The following ASXL3 variants were observed in gnomAD, a reference collection of about 807,000 sequenced individuals.
ASXL3 encodes the protein ASXL transcriptional regulator 3, also known as putative Polycomb group protein ASXL3.
A neutral mutation model predicts 170.6 loss-of-function variants in ASXL3; 34 were observed. The ratio of observed to expected loss-of-function variants is 0.20; its 90% CI spans 0.15 to 0.27. The LOEUF is 0.27. Among genes scored for constraint, ASXL3 ranks in the 10% least tolerant of loss-of-function variants. The probability of loss-of-function intolerance (pLI) is 1.00; values close to 1 mark genes in which losing one functional copy is unlikely to be tolerated. For synonymous variants in ASXL3, 1,002 were observed against 989.1 expected (o/e 1.01, Z -0.24); for missense variants, 2,592 against 2,695.3 (o/e 0.96, Z 0.85).
intron 4 of ASXL3, among the ~76,000 whole-genome samples, chr18:33,659,269 G>T (rs1399502942): frequency 6.6e-6 from 1 of 151,986 alleles, no homozygotes; most frequent in Non-Finnish European, 1.5e-5. Context: ...AGGAATAATA[G>T]CATTTTCTAA....
At chr18:33,632,911 G>C (rs1306068985) in intron 2 of ASXL3, among the ~76,000 whole-genome samples, 2 of 152,124 alleles carry the variant, frequency 1.3e-5, no homozygotes, top group African/African-American at 4.8e-5. Flanking sequence ...CCTTGCCATG[G>C]CATTTAAACT....
At position 33,750,989 on chromosome 18, in the gene ASXL3, C is replaced by G. The variant is rs1377806316; in HGVS notation, c.*4394C>G. ...TTTTGTTTAGAATTCAGGGATCATGCATTCTTTAATGGTGCTGTTTGTTTT... is the reference window on the plus strand; with the variant it reads ...TTTTGTTTAGAATTCAGGGATCATGGATTCTTTAATGGTGCTGTTTGTTTT... On this transcript the variant is annotated 3_prime_UTR_variant, in exon 12 of 12. Transcript: ENST00000269197. 6.6e-6 allele frequency: 1 copy of G among 152,070 alleles called. No individual in the cohort carries two copies. 9.4% of individuals were successfully genotyped at this position (152,070 alleles called of 1,614,324 possible). A position where few individuals can be genotyped will look rare whatever the true frequency, so the allele number is the denominator to read the frequency against.
intron 1 of ASXL3, among the ~76,000 whole-genome samples, chr18:33,599,633 T>G (rs2065163604): frequency 6.6e-6 from 1 of 152,106 alleles, no homozygotes; most frequent in Non-Finnish European, 1.5e-5. Context: ...AAGATAAAAT[T>G]TACTTGAGAT....
Position 33,692,304 on chromosome 18 carries a change from G to A in ASXL3, c.879+8736G>A, listed in dbSNP as rs117753002. ...AATTATGTTTTTTTAAAAAAGAGCC[G>A]TGATGAGGGACTGAAGCATAGAACA... On this transcript the variant is annotated intron_variant, in intron 8 of 11. Coordinates refer to ENST00000269197, the MANE Select transcript of ASXL3 (RefSeq NM_030632.3). 5.0e-3 allele frequency among the ~76,000 whole-genome samples: 754 copies of A among 152,252 alleles called. 5 individuals carry two copies. The highest frequency in any genetic ancestry group is 6.5e-3 in the Non-Finnish European group (441 of 68,010).
intron 8 of ASXL3, among the ~76,000 whole-genome samples, chr18:33,713,551 G>A (rs748262847): frequency 8.6e-5 from 13 of 151,946 alleles, no homozygotes; most frequent in African/African-American, 1.7e-4. Flanking sequence ...CACCGTGCCC[G>A]GCCTGAGCTT....
chr18:33,684,592 A>G (rs567676127), intron 8 of ASXL3, among the ~76,000 whole-genome samples: 27 of 152,186 alleles, frequency 1.8e-4, no homozygotes, highest in African/African-American at 6.3e-4. Context: ...TTTCATTTCA[A>G]TAGGAGTTTT....
At chr18:33,650,178 A>G (rs948010279) in intron 4 of ASXL3, among the ~76,000 whole-genome samples, 2 of 152,176 alleles carry the variant, frequency 1.3e-5, no homozygotes, top group African/African-American at 4.8e-5. Flanking sequence ...TAACATTGAC[A>G]AGATGTCATA....
chr18:33,736,665 C>A (rs759276957), intron 10 of ASXL3, among the ~76,000 whole-genome samples: 16 of 152,022 alleles, frequency 1.1e-4, no homozygotes, highest in Admixed American at 5.9e-4. Flanking sequence ...CTTGCCTAAT[C>A]TCTTTGTAAT....
Position 33,745,949 on chromosome 18 carries a change from C to G in ASXL3, c.6101C>G (p.Pro2034Arg). Reference protein sequence around the residue: ...PPPPPLALPPPPPPPPPLPPP... With the variant: ...PPPPPLALPPRPPPPPPLPPP... Reference sequence around the variant, plus strand: ...CCTCCACCCTTGGCTTTGCCCCCGCCTCCCCCCCCACCACCTCCGCTACCT... The same window carrying G: ...CCTCCACCCTTGGCTTTGCCCCCGCGTCCCCCCCCACCACCTCCGCTACCT... Residue 2034 changes from proline (P) to arginine (R), a missense_variant, in exon 12 of 12, where the codon CCT (proline) becomes CGT (arginine). By Grantham distance (103) the Pro-to-Arg change is moderately radical. Coordinates refer to ENST00000269197, the MANE Select transcript of ASXL3 (RefSeq NM_030632.3). The G allele has an allele frequency of 1.4e-6, 2 of 1,462,620 alleles. No individual in the cohort carries two copies. The highest frequency in any genetic ancestry group is 1.8e-6 in the Non-Finnish European group (2 of 1,088,244). 90.6% of individuals were successfully genotyped at this position (1,462,620 alleles called of 1,614,324 possible).
chr18:33,659,424 T>C (rs997600552), intron 4 of ASXL3, among the ~76,000 whole-genome samples: 1 of 152,068 alleles, frequency 6.6e-6, no homozygotes, highest in Non-Finnish European at 1.5e-5. Flanking sequence ...TAAATGCCAT[T>C]GTAAGAATGT....
At chr18:33,600,049 T>C (rs1257569401) in intron 1 of ASXL3, among the ~76,000 whole-genome samples, 4 of 152,144 alleles carry the variant, frequency 2.6e-5, no homozygotes, top group East Asian at 3.9e-4. Flanking sequence ...TCATTTATTT[T>C]AATGAGTGTA....
intron 8 of ASXL3, among the ~76,000 whole-genome samples, chr18:33,723,967 C>T (rs867637901): frequency 6.6e-6 from 1 of 152,054 alleles, no homozygotes; most frequent in East Asian, 1.9e-4. Flanking sequence ...TAAGTAATAA[C>T]GTATTTTTAA....
intron 8 of ASXL3, among the ~76,000 whole-genome samples, chr18:33,719,169 G>A (rs2145367354): frequency 6.6e-6 from 1 of 152,134 alleles, no homozygotes; most frequent in Non-Finnish European, 1.5e-5. Flanking sequence ...CAGTCCTTCA[G>A]CTACCACACT....
At chr18:33,673,025 A>G (rs952344723) in intron 7 of ASXL3, among the ~76,000 whole-genome samples, 4 of 152,226 alleles carry the variant, frequency 2.6e-5, no homozygotes, top group Non-Finnish European at 5.9e-5. Flanking sequence ...ATGTTTGTGT[A>G]TAACCATACT....
intron 5 of ASXL3, among the ~76,000 whole-genome samples, chr18:33,669,639 GAAATAC>G (rs749521180): frequency 1.3e-5 from 2 of 152,148 alleles, no homozygotes; most frequent in Non-Finnish European, 2.9e-5. Context: ...ATAGCAAGGG[GAAATAC>G]AGTCAAGGCA....
At chr18:33,721,205 T>A (rs950963236) in intron 8 of ASXL3, among the ~76,000 whole-genome samples, 7 of 152,064 alleles carry the variant, frequency 4.6e-5, no homozygotes, top group South Asian at 2.1e-4. Context: ...CAGCATCTGA[T>A]TGATTATATC....
At chr18:33,681,506 G>A (rs570810936) in intron 7 of ASXL3, among the ~76,000 whole-genome samples, 1 of 152,098 alleles carries the variant, frequency 6.6e-6, no homozygotes, top group South Asian at 2.1e-4. Context: ...TTGAAGAGAT[G>A]TCACTGTCTT....
In ASXL3 at chr18:33,691,431, T is replaced by A. The variant is rs528185343; in HGVS notation, c.879+7863T>A. On this transcript the variant is annotated intron_variant, in intron 8 of 11. Coordinates refer to ENST00000269197, the MANE Select transcript of ASXL3 (RefSeq NM_030632.3). ...AACTTGAAGGAGCTGTTGTGGCTGCTAAGACTCTTGACTGGCAGACCTTGT... is the reference window on the plus strand; with the variant it reads ...AACTTGAAGGAGCTGTTGTGGCTGCAAAGACTCTTGACTGGCAGACCTTGT... 2.0e-5 allele frequency among the ~76,000 whole-genome samples: 3 copies of A among 152,358 alleles called. No homozygotes were observed. The South Asian group carries it at 6.2e-4, about 32-fold the overall frequency.
intron 2 of ASXL3, among the ~76,000 whole-genome samples, chr18:33,635,281 G>T (rs1459326450): frequency 6.6e-6 from 1 of 152,060 alleles, no homozygotes; most frequent in Admixed American, 6.6e-5. Context: ...TCTCTCTTTG[G>T]CATCCAAAAT....
Sources: gnomAD v4.1 joint callset for allele counts (sites outside exome capture counted in the v4.1 genomes callset) on GRCh38, gnomAD v4.1.1 for gene constraint, MANE v1.5 for transcripts, NCBI Gene and HGNC (gene_info 2026-07-23, HGNC 2026-07-21) for gene names.